Variants in LRP1B observed in about 807,000 individuals in gnomAD.
LRP1B encodes LDL receptor related protein 1B, also known as low-density lipoprotein receptor-related protein 1B.
A neutral mutation model predicts 556.6 loss-of-function variants in LRP1B; 217 were observed. The observed-to-expected ratio is 0.39, with a 90% CI of 0.35 to 0.44. The LOEUF (loss-of-function observed/expected upper bound fraction) is 0.44, where lower values mean the gene tolerates loss of function less well. Among genes scored for constraint, LRP1B ranks in the 20% least tolerant of loss-of-function variants. LRP1B has a pLI of 1.00. For missense variants in LRP1B, 5,053 were observed against 5,620.8 expected (o/e 0.90, Z 3.23); for synonymous variants, 2,047 against 1,865.8 (o/e 1.10, Z -2.50).
chr2:141,869,627 G>A (rs1698520365), intron 1 of LRP1B, among the ~76,000 whole-genome samples: 1 of 152,098 alleles, frequency 6.6e-6, no homozygotes, highest in Non-Finnish European at 1.5e-5. Flanking sequence ...TCACCCAAAT[G>A]TTTCCATGCT....
intron 3 of LRP1B, among the ~76,000 whole-genome samples, chr2:141,285,668 C>A (rs1685687758): frequency 6.8e-6 from 1 of 147,536 alleles, no homozygotes; most frequent in African/African-American, 2.5e-5. Flanking sequence ...GATGGCCAGG[C>A]TGGTTTCAAT....
chr2:141,218,699 T>A (rs1341521448), intron 6 of LRP1B, among the ~76,000 whole-genome samples: 1 of 152,158 alleles, frequency 6.6e-6, no homozygotes, highest in Admixed American at 6.5e-5. Flanking sequence ...GGTGACAGAT[T>A]CAGTTGATGT....
chr2:141,191,825 C>A (rs1350569996), intron 6 of LRP1B, among the ~76,000 whole-genome samples: 1 of 151,774 alleles, frequency 6.6e-6, no homozygotes, highest in East Asian at 1.9e-4. Flanking sequence ...CTCACTGTTA[C>A]AAATGTCGTT....
At chr2:141,342,566 C>A (rs545528047) in intron 3 of LRP1B, among the ~76,000 whole-genome samples, 66 of 151,912 alleles carry the variant, frequency 4.3e-4, no homozygotes, top group South Asian at 1.2e-3. Flanking sequence ...ACAAGAACTT[C>A]ATGAAGCATA....
chr2:141,232,513 T>A (rs916713314), intron 5 of LRP1B, among the ~76,000 whole-genome samples: 1 of 152,154 alleles, frequency 6.6e-6, no homozygotes, highest in Non-Finnish European at 1.5e-5. Flanking sequence ...GGCCGGAATA[T>A]AAAGGAGCGC....
At chr2:141,801,824 A>C (rs1377897406) in intron 2 of LRP1B, among the ~76,000 whole-genome samples, 1 of 152,148 alleles carries the variant, frequency 6.6e-6, no homozygotes, top group African/African-American at 2.4e-5. Context: ...ATATATCTTC[A>C]AGAAAAATTT....
intron 2 of LRP1B, among the ~76,000 whole-genome samples, chr2:141,597,590 C>G (rs1294837225): frequency 1.3e-5 from 2 of 152,010 alleles, no homozygotes; most frequent in African/African-American, 4.8e-5. Flanking sequence ...ACTGCATGTT[C>G]TTATATTGGA....
chr2:140,514,525 C>T (rs1689801836), intron 51 of LRP1B, 128 bp downstream of exon 51: 2 of 668,506 alleles, frequency 3.0e-6, no homozygotes, highest in Non-Finnish European at 4.5e-6. Flanking sequence ...ATAAAAACAG[C>T]TACCTAGAAA....
intron 1 of LRP1B, among the ~76,000 whole-genome samples, chr2:142,080,528 A>AT (rs1705671885): frequency 6.8e-6 from 1 of 147,618 alleles, no homozygotes; most frequent in African/African-American, 2.5e-5. Context: ...AGTTTGTAAA[A>AT]AAAATAAATA....
intron 35 of LRP1B, among the ~76,000 whole-genome samples, chr2:140,747,752 G>T (rs1688366378): frequency 6.6e-6 from 1 of 152,034 alleles, no homozygotes; most frequent in African/African-American, 2.4e-5. Flanking sequence ...ATGGAAACAA[G>T]AATGGTTTAA....
At chr2:141,918,315 A>G (rs1414152487) in intron 1 of LRP1B, among the ~76,000 whole-genome samples, 1 of 152,138 alleles carries the variant, frequency 6.6e-6, no homozygotes, top group African/African-American at 2.4e-5. Flanking sequence ...CAACTTCATG[A>G]CATAGCAAAT....
chr2:141,559,082 G>T (rs1686055212), intron 2 of LRP1B, among the ~76,000 whole-genome samples: 1 of 150,882 alleles, frequency 6.6e-6, no homozygotes, highest in African/African-American at 2.4e-5. Flanking sequence ...AAATTGTTTT[G>T]GTACACTATT....
intron 20 of LRP1B, among the ~76,000 whole-genome samples, chr2:140,949,701 A>C (rs961191873): frequency 6.6e-6 from 1 of 151,792 alleles, no homozygotes; most frequent in Non-Finnish European, 1.5e-5. Context: ...AGCATGTTGG[A>C]AGGCCGAGGC....
intron 10 of LRP1B, among the ~76,000 whole-genome samples, chr2:141,054,674 A>C (rs1161106512): frequency 3.3e-5 from 5 of 151,998 alleles, no homozygotes; most frequent in African/African-American, 1.2e-4. Context: ...AAATTAAATC[A>C]TGGAGTGAAT....
chr2:141,558,389 A>G (rs1265393023), intron 2 of LRP1B, among the ~76,000 whole-genome samples: 3 of 151,820 alleles, frequency 2.0e-5, no homozygotes, highest in Admixed American at 6.6e-5. Flanking sequence ...AAAAGAGATC[A>G]GCTACACAGT....
chr2:140,987,152 A>G (rs60260944), intron 17 of LRP1B, among the ~76,000 whole-genome samples: 6,010 of 152,232 alleles, frequency 0.039, 148 homozygotes, highest in Middle Eastern at 0.068. Context: ...TTCATTGCTT[A>G]CAAAGCAAAA....
chr2:141,637,714 T>C (rs1215971621), intron 2 of LRP1B, among the ~76,000 whole-genome samples: 4 of 152,192 alleles, frequency 2.6e-5, no homozygotes, highest in Non-Finnish European at 5.9e-5. Context: ...GAGATTCTAA[T>C]ACCAGGTACA....
chr2:142,006,387 G>A (rs936978251), intron 1 of LRP1B, among the ~76,000 whole-genome samples: 8 of 152,180 alleles, frequency 5.3e-5, no homozygotes, highest in Admixed American at 5.2e-4. Context: ...AAGCTTGCTA[G>A]TGATTGGCTT....
At chr2:140,418,765 T>C (rs1213285274) in intron 66 of LRP1B, among the ~76,000 whole-genome samples, 1 of 151,988 alleles carries the variant, frequency 6.6e-6, no homozygotes, top group African/African-American at 2.4e-5. Context: ...TATATTATGA[T>C]GTAATAATAA....
Sources: allele counts gnomAD v4.1 joint callset (sites outside exome capture counted in the v4.1 genomes callset), GRCh38; gene constraint gnomAD v4.1.1; transcripts MANE v1.5; gene names NCBI Gene and HGNC (gene_info 2026-07-23, HGNC 2026-07-21).